Variants in MYO18B observed in about 807,000 individuals in gnomAD.
The protein encoded by MYO18B is unconventional myosin-XVIIIb.
In MYO18B, 204 loss-of-function variants were observed where a neutral mutation model predicts 273.0. The observed-to-expected ratio is 0.75, with a 90% confidence interval of 0.67 to 0.84. The LOEUF is 0.84. Ranked by LOEUF, MYO18B falls within the 40% of genes least tolerant of loss-of-function variation. The pLI is 0.00. For missense variants in MYO18B, 3,212 were observed against 3,287.6 expected (o/e 0.98, Z 0.56); for synonymous variants, 1,330 against 1,305.7 (o/e 1.02, Z -0.40).
In MYO18B at chr22:25,890,848, G is replaced by C; in HGVS notation, c.4407G>C (p.Gln1469His). 1 of 1,613,862 alleles carries C rather than the reference G, an allele frequency of 6.2e-7. No individual in the cohort carries two copies. The highest frequency in any genetic ancestry group is 8.5e-7 in the Non-Finnish European group (1 of 1,179,862). Residue 1469 changes from glutamine to histidine, a missense_variant, in exon 26 of 44, where the codon CAG (glutamine) becomes CAC (histidine). Physicochemically the swap from Gln to His is conservative, Grantham distance 24. Transcript: ENST00000335473. ...AGAGTGAGCGGGCAGAGCGGCTACA[G>C]GCCTTCCGGGAGGTCCAGGAGCTCA... is the stretch of plus-strand genomic sequence containing the variant. ...VLESERAERL[Q>H]AFREVQELKS...
intron 34 of MYO18B, among the ~76,000 whole-genome samples, chr22:25,931,536 T>A (rs2092500805): frequency 6.6e-6 from 1 of 152,186 alleles, no homozygotes; most frequent in East Asian, 1.9e-4. Context: ...GCAGGAGCCT[T>A]TTCTGTTTTG....
intron 22 of MYO18B, 57 bp from the exon 23 acceptor site, chr22:25,874,229 C>A: frequency 1.2e-6 from 2 of 1,605,540 alleles, no homozygotes; most frequent in Non-Finnish European, 1.7e-6. Flanking sequence ...AAGCACCCCC[C>A]CATTGTAGAC....
At chr22:25,854,401 C>T (rs1254141884) in intron 21 of MYO18B, among the ~76,000 whole-genome samples, 1 of 152,110 alleles carries the variant, frequency 6.6e-6, no homozygotes, top group Non-Finnish European at 1.5e-5. Context: ...CATTTCACAG[C>T]GTAGGCAGCT....
At chr22:25,784,344 C>T (rs1388581461) in intron 10 of MYO18B, among the ~76,000 whole-genome samples, 1 of 152,240 alleles carries the variant, frequency 6.6e-6, no homozygotes, top group Non-Finnish European at 1.5e-5. Context: ...TTACTCCATG[C>T]CAGCCTGGCA....
chr22:26,033,920 C>A (rs147479695), downstream of MYO18B, among the ~76,000 whole-genome samples: 546 of 145,732 alleles, frequency 3.7e-3, 4 homozygotes, highest in African/African-American at 0.011. Context: ...TTCCTTCTTT[C>A]CTTTCTTTCT....
intron 42 of MYO18B, among the ~76,000 whole-genome samples, chr22:26,012,419 C>T (rs575167881): frequency 6.6e-6 from 1 of 152,302 alleles, no homozygotes; most frequent in South Asian, 2.1e-4. Context: ...AAGGGCCTCT[C>T]ATGAATATGG....
intron 41 of MYO18B, among the ~76,000 whole-genome samples, chr22:26,003,915 G>A (rs930781973): frequency 6.6e-6 from 1 of 151,842 alleles, no homozygotes; most frequent in South Asian, 2.1e-4. Context: ...GAGGGACAGA[G>A]AGCAGGTTCT....
At chr22:26,014,433 G>A (rs1935150867) in intron 42 of MYO18B, among the ~76,000 whole-genome samples, 1 of 152,180 alleles carries the variant, frequency 6.6e-6, no homozygotes, top group Non-Finnish European at 1.5e-5. Context: ...GTCAGCAAAT[G>A]ACTCTCAGGG....
intron 33 of MYO18B, among the ~76,000 whole-genome samples, chr22:25,919,556 G>A (rs2092310478): frequency 6.6e-6 from 1 of 152,096 alleles, no homozygotes; most frequent in African/African-American, 2.4e-5. Flanking sequence ...CATTTGTAAA[G>A]GCAATAATAA....
chr22:25,764,757 A>G (rs1231431319), intron 3 of MYO18B, among the ~76,000 whole-genome samples: 2 of 152,218 alleles, frequency 1.3e-5, no homozygotes, highest in Non-Finnish European at 2.9e-5. Flanking sequence ...TTAGGTTATG[A>G]TGAAATGTTA....
At chr22:26,055,899 C>T in the MYO18B span, among the ~76,000 whole-genome samples, 1 of 152,120 alleles carries the variant, frequency 6.6e-6, no homozygotes, top group Non-Finnish European at 1.5e-5. Flanking sequence ...AAAGACTGCA[C>T]ACTGCTGGAG....
chr22:25,839,452 C>T (rs2090018442), intron 17 of MYO18B, among the ~76,000 whole-genome samples: 1 of 152,110 alleles, frequency 6.6e-6, no homozygotes, highest in Admixed American at 6.5e-5. Context: ...TGTGTCTGCC[C>T]CTTTGCTAGC....
chr22:25,819,976 G>C (rs933917057), intron 12 of MYO18B, among the ~76,000 whole-genome samples: 1 of 50,936 alleles, frequency 2.0e-5, no homozygotes, highest in Admixed American at 2.2e-4. Context: ...AATAACCCAG[G>C]CTTTTCAACT....
the MYO18B span, among the ~76,000 whole-genome samples, chr22:26,051,325 G>A: frequency 6.2e-4 from 89 of 143,320 alleles, 2 homozygotes; most frequent in East Asian, 0.019. Context: ...CCGGGTTCAC[G>A]CCATTCTCCT....
At chr22:25,901,104 T>C (rs931966534) in intron 29 of MYO18B, 3 of 152,220 alleles carry the variant, frequency 2.0e-5, no homozygotes, top group East Asian at 1.9e-4. Context: ...GCCCCTTGAA[T>C]GATGTCACCA....
At position 26,000,442 on chromosome 22, in the gene MYO18B, G is replaced by A. The variant is rs116764738; in HGVS notation, c.6288-2823G>A. Among the ~76,000 whole-genome samples the A allele has an allele frequency of 4.0e-3, 605 of 152,118 alleles. 6 individuals are homozygous for A. The highest frequency in any genetic ancestry group is 0.014 in the African/African-American group (575 of 41,482). On this transcript the variant is annotated intron_variant, in intron 40 of 43. Coordinates refer to ENST00000335473, the MANE Select transcript of MYO18B (RefSeq NM_032608.7). ...GAACTCGAGGGCTCCATGCACCATG[G>A]TATACAAACTCAAGTACTTTCCAGG...
chr22:25,856,603 A>G (rs1030296012), intron 21 of MYO18B, among the ~76,000 whole-genome samples: 1 of 152,194 alleles, frequency 6.6e-6, no homozygotes, highest in Non-Finnish European at 1.5e-5. Context: ...GATGCTTGAG[A>G]TGAGGTTTGT....
At chr22:26,040,131 G>A in the MYO18B span, among the ~76,000 whole-genome samples, 1 of 152,176 alleles carries the variant, frequency 6.6e-6, no homozygotes, top group Admixed American at 6.5e-5. Context: ...TTCCATTTCT[G>A]AGTTACTTCA....
At chr22:26,043,789 T>C in the MYO18B span, among the ~76,000 whole-genome samples, 1 of 152,154 alleles carries the variant, frequency 6.6e-6, no homozygotes, top group Non-Finnish European at 1.5e-5. Context: ...AGTGCTGGAA[T>C]TAGAGGCATA....
Sources: allele counts gnomAD v4.1 joint callset (sites outside exome capture counted in the v4.1 genomes callset), GRCh38; gene constraint gnomAD v4.1.1; transcripts MANE v1.5; gene names NCBI Gene and HGNC (gene_info 2026-07-23, HGNC 2026-07-21).